Variants in AXIN1 observed in about 807,000 individuals in gnomAD.
AXIN1 encodes the protein axin-1.
AXIN1 carries 30 observed loss-of-function variants against 76.4 expected under a neutral mutation model. That is an observed-to-expected ratio of 0.39 (90% CI 0.29 to 0.53). AXIN1 has a LOEUF of 0.53. Among genes scored for constraint, AXIN1 ranks in the 20% least tolerant of loss-of-function variants. AXIN1 has a pLI of 0.66. For missense variants in AXIN1, 1,140 were observed against 1,198.8 expected (o/e 0.95, Z 0.72); for synonymous variants, 545 against 501.4 (o/e 1.09, Z -1.16).
intron 7 of AXIN1, among the ~76,000 whole-genome samples, chr16:294,393 G>A (rs1333799206): frequency 3.4e-5 from 5 of 148,294 alleles, no homozygotes; most frequent in African/African-American, 1.3e-4. Context: ...AACCTGGGAG[G>A]CAGAGGTTGC....
At chr16:320,293 A>G (rs1597062078) in intron 2 of AXIN1, among the ~76,000 whole-genome samples, 1 of 152,076 alleles carries the variant, frequency 6.6e-6, no homozygotes, top group South Asian at 2.1e-4. Context: ...TCATCTGCCC[A>G]CCTCGGTGTC....
At chr16:303,783 T>C (rs2052939575) in intron 5 of AXIN1, among the ~76,000 whole-genome samples, 1 of 152,234 alleles carries the variant, frequency 6.6e-6, no homozygotes, top group South Asian at 2.1e-4. Context: ...GACCTGTTTT[T>C]AGCTGAACTA....
chr16:310,127 T>A (rs2141574933), intron 3 of AXIN1, 58 bp from the exon 4 acceptor site: 1 of 1,513,858 alleles, frequency 6.6e-7, no homozygotes, highest in Non-Finnish European at 9.0e-7. Context: ...GCCAGCACCG[T>A]GCCAATAGAG....
At chr16:312,546 G>C (rs1277123181) in intron 3 of AXIN1, among the ~76,000 whole-genome samples, 1 of 152,200 alleles carries the variant, frequency 6.6e-6, no homozygotes, top group African/African-American at 2.4e-5. Flanking sequence ...CGCTCCGTGG[G>C]CTGCACTGCA....
intron 2 of AXIN1, among the ~76,000 whole-genome samples, chr16:341,855 C>G (rs1398141071): frequency 6.6e-6 from 1 of 152,234 alleles, no homozygotes; most frequent in Non-Finnish European, 1.5e-5. Context: ...CCAATCGACA[C>G]TCTGTATCTA....
intron 4 of AXIN1, among the ~76,000 whole-genome samples, chr16:306,616 C>A (rs1195018931): frequency 6.6e-6 from 1 of 152,226 alleles, no homozygotes; most frequent in African/African-American, 2.4e-5. Context: ...AGGGGCCACA[C>A]AAAAGGCCTC....
At chr16:290,861 G>C (rs2052537636) in intron 9 of AXIN1, 6 of 440,464 alleles carry the variant, frequency 1.4e-5, no homozygotes, top group South Asian at 1.0e-4. Context: ...CCCGTTCCAA[G>C]CCGGGTGGAG....
At position 304,263 on chromosome 16, in the gene AXIN1, C is replaced by A. The variant is rs757011094; in HGVS notation, c.1254+41G>T. The A allele has an allele frequency of 1.9e-6, 3 of 1,600,346 alleles. No homozygotes were observed. In the South Asian group the frequency reaches 3.3e-5, roughly 18 times the overall value. On this transcript the variant is annotated intron_variant, in intron 5 of 10. Transcript: ENST00000262320. ...ACATCCCGGCGGCAAGAAAACAGCA[C>A]GACACCGACGCGGAGCGCGACACCG...
intron 4 of AXIN1, among the ~76,000 whole-genome samples, chr16:309,549 A>T (rs1320649344): frequency 1.3e-5 from 2 of 152,184 alleles, no homozygotes; most frequent in East Asian, 3.9e-4. Flanking sequence ...TTTAAAGTCA[A>T]GACGTTTACC....
chr16:318,301 C>T (rs374910294), intron 2 of AXIN1, among the ~76,000 whole-genome samples: 1 of 152,198 alleles, frequency 6.6e-6, no homozygotes, highest in African/African-American at 2.4e-5. Flanking sequence ...CGCAGGTTTC[C>T]CATTTTCCAC....
intron 1 of AXIN1, among the ~76,000 whole-genome samples, chr16:349,108 A>G (rs1032542834): frequency 9.5e-5 from 14 of 147,996 alleles, no homozygotes; most frequent in African/African-American, 3.2e-4. Context: ...TCTCAAAAAA[A>G]TAAAATAAAA....
chr16:305,285 A>G (rs1406470045), intron 4 of AXIN1, among the ~76,000 whole-genome samples: 1 of 152,230 alleles, frequency 6.6e-6, no homozygotes, highest in Non-Finnish European at 1.5e-5. Context: ...TCTGGCCAAC[A>G]AAGTGAGACC....
intron 1 of AXIN1, among the ~76,000 whole-genome samples, chr16:349,568 C>T (rs1057158082): frequency 6.6e-6 from 1 of 152,132 alleles, no homozygotes; most frequent in Non-Finnish European, 1.5e-5. Flanking sequence ...CACAAGTCAC[C>T]ATCATGCTCT....
chr16:332,780 G>A (rs2053721778), intron 2 of AXIN1, among the ~76,000 whole-genome samples: 1 of 150,730 alleles, frequency 6.6e-6, no homozygotes, highest in African/African-American at 2.4e-5. Context: ...ATATATGAAA[G>A]ATTTAAAATT....
chr16:346,974 C>T lies in AXIN1; in HGVS notation c.52G>A (p.Glu18Lys), dbSNP rs1170182478. 6.2e-7 allele frequency: 1 copy of T among 1,614,236 alleles called. No individual in the cohort carries two copies. The highest frequency in any genetic ancestry group is 8.5e-7 in the Non-Finnish European group (1 of 1,180,044). Residue 18 changes from glutamate to lysine, a missense_variant, in exon 2 of 11, where the codon GAA (glutamate) becomes AAA (lysine). Around this residue, in one of 3 missense-constraint regions of AXIN1, gnomAD observed 708 missense variants for 776.9 expected, o/e 0.91. Transcript: ENST00000262320. ...GGCACTGGGGGTCGGGGAGCATCTTCGGTGAAACTTGCTCCGAGGTCCAAG... is the reference window on the plus strand; with the variant it reads ...GGCACTGGGGGTCGGGGAGCATCTTTGGTGAAACTTGCTCCGAGGTCCAAG... ...FPLDLGASFT[E>K]DAPRPPVPGE... is the part of the protein sequence containing the mutation.
intron 2 of AXIN1, among the ~76,000 whole-genome samples, chr16:320,744 T>TATATA (rs1555482153): frequency 5.3e-4 from 27 of 50,834 alleles, no homozygotes; most frequent in African/African-American, 1.0e-3. Flanking sequence ...TATATATATA[T>TATATA]TTTTTTTTTT....
intron 5 of AXIN1, among the ~76,000 whole-genome samples, chr16:301,042 G>C (rs570842666): frequency 6.6e-6 from 1 of 151,898 alleles, no homozygotes; most frequent in Admixed American, 6.6e-5. Context: ...AGGCCGAGGC[G>C]GGTGGATCAC....
chr16:349,679 C>A (rs755591481), intron 1 of AXIN1, among the ~76,000 whole-genome samples: 1 of 152,248 alleles, frequency 6.6e-6, no homozygotes, highest in Non-Finnish European at 1.5e-5. Context: ...AAGTCATTCA[C>A]TGATGTAAAA....
At chr16:307,382 TATC>T (rs1274591016) in intron 4 of AXIN1, among the ~76,000 whole-genome samples, 2 of 151,966 alleles carry the variant, frequency 1.3e-5, no homozygotes, top group African/African-American at 4.8e-5. Context: ...CAGAAAAAAA[TATC>T]ATAAAGGAAA....
Sources: gnomAD v4.1 joint callset for allele counts (sites outside exome capture counted in the v4.1 genomes callset) on GRCh38, gnomAD v4.1.1 for gene constraint, gnomAD v4.1.1 regional missense constraint, MANE v1.5 for transcripts, NCBI Gene and HGNC (gene_info 2026-07-23, HGNC 2026-07-21) for gene names.